CEP83: variants seen among roughly 807,000 people sequenced by gnomAD.
The protein encoded by CEP83 is centrosomal protein 83, also known as centrosomal protein of 83 kDa.
CEP83 carries 70 observed loss-of-function variants against 101.9 expected under a neutral mutation model. The ratio of observed to expected loss-of-function variants is 0.69; its 90% CI spans 0.57 to 0.84. The LOEUF is 0.84. Ranked by LOEUF, CEP83 falls within the 40% of genes least tolerant of loss-of-function variation. The probability of loss-of-function intolerance (pLI) is 0.00; values close to 1 mark genes in which losing one functional copy is unlikely to be tolerated. For missense variants in CEP83, 715 were observed against 787.2 expected (o/e 0.91, Z 1.10); for synonymous variants, 264 against 267.9 (o/e 0.99, Z 0.14).
chr12:94,379,114 T>C, intron 6 of CEP83, 72 bp from the exon 7 acceptor site: 1 of 1,283,474 alleles, frequency 7.8e-7, no homozygotes, highest in Admixed American at 2.4e-5. Context: ...GCTTTACAAG[T>C]CAGTAAAATT....
At chr12:94,322,025 T>G (rs1190557395) in intron 14 of CEP83, among the ~76,000 whole-genome samples, 4 of 152,080 alleles carry the variant, frequency 2.6e-5, no homozygotes, top group African/African-American at 7.2e-5. Flanking sequence ...GAGGACTGCC[T>G]TCTCTCTGGG....
intron 11 of CEP83, chr12:94,361,076 A>G (rs2060729467): frequency 6.6e-6 from 1 of 152,170 alleles, no homozygotes; most frequent in South Asian, 2.1e-4. Flanking sequence ...AACTAGATCC[A>G]TCTCTCATCA....
At chr12:94,351,265 A>G (rs2060184460) in intron 11 of CEP83, among the ~76,000 whole-genome samples, 1 of 152,194 alleles carries the variant, frequency 6.6e-6, no homozygotes, top group Non-Finnish European at 1.5e-5. Flanking sequence ...GAAGAGCCCT[A>G]GAGTCCTAAC....
the CEP83 span, chr12:94,297,114 T>A: frequency 8.2e-6 from 12 of 1,469,628 alleles, no homozygotes; most frequent in Non-Finnish European, 1.0e-5. Context: ...ATGGGGCCTT[T>A]TAAGAGAAGG....
chr12:94,351,780 C>T (rs1171906591), intron 11 of CEP83, among the ~76,000 whole-genome samples: 1 of 152,178 alleles, frequency 6.6e-6, no homozygotes, highest in African/African-American at 2.4e-5. Flanking sequence ...CTGGCAATTC[C>T]ACCCCACAAC....
Position 94,333,602 on chromosome 12 carries a change from G to C in CEP83, c.1457C>G (p.Ala486Gly). 5 of 1,613,428 alleles carry C rather than the reference G, an allele frequency of 3.1e-6. No homozygotes were observed. The highest frequency in any genetic ancestry group is 4.2e-6 in the Non-Finnish European group (5 of 1,179,586). The change falls in exon 13 of 17, where the codon GCA becomes GGA. Residue 486 changes from alanine to glycine, a missense_variant. Physicochemically the swap from Ala to Gly is moderately conservative, Grantham distance 60 (BLOSUM62 0). Coordinates refer to ENST00000397809, the MANE Select transcript of CEP83 (RefSeq NM_016122.3). ...ATTCAGCAAGTCATTCTCTGACTGT[G>C]CAAGTGAAGTCACTTGGATCTGCAA... ...SSLQIQVTSL[A>G]QSENDLLNSN...
rs1051956201 is a variant in CEP83, at chr12:94,423,946, G to C, written c.-102+11329C>G. The stretch of plus-strand genomic sequence containing the variant: ...TGAGGCAGAGATGGCCCAGTTGCTG[G>C]GTAAGGGGTCCCATCATGGAGGCAG... On this transcript the variant is annotated intron_variant, in intron 2 of 16. Coordinates refer to ENST00000397809, the MANE Select transcript of CEP83 (RefSeq NM_016122.3). 3.1e-6 allele frequency: 5 copies of C among 1,612,362 alleles called. No individual in the cohort carries two copies. In the African/African-American group the frequency reaches 6.7e-5, roughly 22 times the overall value.
chr12:94,377,823 A>C (rs2061630249), intron 7 of CEP83, among the ~76,000 whole-genome samples: 1 of 152,234 alleles, frequency 6.6e-6, no homozygotes, highest in East Asian at 1.9e-4. Context: ...TAAGGATGGA[A>C]GGATGGCAAC....
In CEP83 at chr12:94,416,578, A is replaced by ACACGC. The variant is rs1411778490; in HGVS notation, c.-101-3988_-101-3987insGCGTG. Reference sequence around the variant, plus strand: ...CACACACACACACACACACACAAAAAAAAAAAAACTGTAGTTCCACCCCCA... The same window carrying ACACGC: ...CACACACACACACACACACACAAAAACACGCAAAAAAAACTGTAGTTCCACCCCCA... On this transcript the variant is annotated intron_variant, in intron 2 of 16. Transcript: ENST00000397809. 9.3e-5 allele frequency among the ~76,000 whole-genome samples: 11 copies of ACACGC among 118,886 alleles called. 1 individual carries two copies. The highest frequency in any genetic ancestry group is 7.4e-4 in the Admixed American group (9 of 12,116). 78.0% of individuals were successfully genotyped at this position (118,886 alleles called of 152,430 possible).
chr12:94,370,978 T>C (rs1292846997), intron 8 of CEP83, among the ~76,000 whole-genome samples: 4 of 152,058 alleles, frequency 2.6e-5, no homozygotes, highest in Non-Finnish European at 5.9e-5. Context: ...AGTGAGACCT[T>C]GTCTCTAAAA....
intron 2 of CEP83, among the ~76,000 whole-genome samples, chr12:94,432,528 G>T (rs764597422): frequency 6.6e-6 from 1 of 152,078 alleles, no homozygotes. Flanking sequence ...ACTCATGTGG[G>T]AGCTTAAAAA....
chr12:94,391,385 T>C (rs2062523138), intron 6 of CEP83, among the ~76,000 whole-genome samples: 1 of 152,162 alleles, frequency 6.6e-6, no homozygotes, highest in Non-Finnish European at 1.5e-5. Context: ...CTAAGCTTCG[T>C]AAGTGAAGGA....
At chr12:94,297,546 A>G in the CEP83 span, 1 of 678,084 alleles carries the variant, frequency 1.5e-6, no homozygotes, top group Non-Finnish European at 2.6e-6. Context: ...AAGCAAAATG[A>G]AAGTTTAAAT....
At chr12:94,405,295 TTA>T (rs1347874613) in intron 4 of CEP83, among the ~76,000 whole-genome samples, 2 of 152,192 alleles carry the variant, frequency 1.3e-5, no homozygotes, top group African/African-American at 4.8e-5. Context: ...AATAAGTATT[TTA>T]AATATGGCAA....
At chr12:94,321,369 C>A (rs1219203360) in intron 14 of CEP83, among the ~76,000 whole-genome samples, 2 of 152,164 alleles carry the variant, frequency 1.3e-5, no homozygotes, top group Non-Finnish European at 2.9e-5. Context: ...CTATTTGTGT[C>A]ACTTCAGCCA....
chr12:94,440,357 T>C (rs1237562773), intron 1 of CEP83, among the ~76,000 whole-genome samples: 2 of 152,274 alleles, frequency 1.3e-5, no homozygotes, highest in South Asian at 2.1e-4. Context: ...ACAAAATTGA[T>C]GTACACAGAT....
chr12:94,390,145 A>G (rs1272426360), intron 6 of CEP83, among the ~76,000 whole-genome samples: 1 of 152,176 alleles, frequency 6.6e-6, no homozygotes, highest in East Asian at 1.9e-4. Context: ...GAGCTCTGAG[A>G]ATGGACAGAC....
In CEP83 at chr12:94,459,596, C is replaced by CT. The variant is rs1490555378; in HGVS notation, c.-195dup. On this transcript the variant is annotated 5_prime_UTR_variant, in exon 1 of 17. Coordinates refer to ENST00000397809, the MANE Select transcript of CEP83 (RefSeq NM_016122.3). ...CTCCTTGCAACCCGCACACGGAAAA[C>CT]TTAAGTGACCGCAGTTCTGGCCGCG... 1 of 152,902 alleles carries CT rather than the reference C, an allele frequency of 6.5e-6. No individual in the cohort carries two copies. The highest frequency in any genetic ancestry group is 1.5e-5 in the Non-Finnish European group (1 of 68,416). 9.5% of individuals were successfully genotyped at this position (152,902 alleles called of 1,614,324 possible).
intron 14 of CEP83, among the ~76,000 whole-genome samples, chr12:94,323,298 C>T (rs756027823): frequency 9.2e-5 from 14 of 152,066 alleles, no homozygotes; most frequent in East Asian, 5.8e-4. Context: ...TGTATCTGAG[C>T]GGCTGCATTG....
Sources: allele counts gnomAD v4.1 joint callset (sites outside exome capture counted in the v4.1 genomes callset), GRCh38; gene constraint gnomAD v4.1.1; transcripts MANE v1.5; gene names NCBI Gene and HGNC (gene_info 2026-07-23, HGNC 2026-07-21).